PRIM2: variants seen among roughly 807,000 people sequenced by gnomAD.
PRIM2 encodes DNA primase subunit 2.
Under a neutral mutation model 67.3 loss-of-function variants are expected in PRIM2, and 39 were observed. That is an observed-to-expected ratio of 0.58 (90% CI 0.45 to 0.76). PRIM2 has a LOEUF of 0.76. Ranked by LOEUF, PRIM2 falls within the 30% of genes least tolerant of loss-of-function variation. PRIM2 has a pLI of 0.00. For missense variants in PRIM2, 398 were observed against 598.7 expected, an observed-to-expected ratio of 0.66 and a Z score of 3.50; for synonymous variants, 143 against 198.7, an observed-to-expected ratio of 0.72 and a Z score of 2.36.
rs749831232 is a variant in PRIM2 at position 57,379,949 on chromosome 6, T to A, written c.508T>A (p.Ser170Thr). ...TLREQEIVAS[S>T]PSLSGLKLGF... Reference sequence around the variant, plus strand: ...TCGAGAACAGGAGATTGTTGCCTCATCACCAAGTTTAAGTGGACTTAAGTT... The same window carrying A: ...TCGAGAACAGGAGATTGTTGCCTCAACACCAAGTTTAAGTGGACTTAAGTT... The change falls in exon 6 of 14, where the codon TCA becomes ACA. Residue 170 changes from serine (S) to threonine (T), a missense_variant. By Grantham distance (58) the Ser-to-Thr change is moderately conservative. This residue lies in a region of PRIM2 where 229 missense variants were observed against 383.6 expected (regional missense o/e 0.60). Transcript: ENST00000615550. 3 of 1,557,684 alleles carry A rather than the reference T, an allele frequency of 1.9e-6. No individual in the cohort carries two copies. The highest frequency in any genetic ancestry group is 1.7e-6 in the Non-Finnish European group (2 of 1,149,580).
intron 5 of PRIM2, among the ~76,000 whole-genome samples, chr6:57,374,927 A>T (rs2127327324): frequency 6.6e-6 from 1 of 152,366 alleles, no homozygotes; most frequent in Admixed American, 6.5e-5. Context: ...GTATCTTGAG[A>T]CTTTGCTGAA....
At chr6:57,602,841 G>T (rs1162553731) in intron 11 of PRIM2, among the ~76,000 whole-genome samples, 1 of 152,166 alleles carries the variant, frequency 6.6e-6, no homozygotes, top group Non-Finnish European at 1.5e-5. Context: ...TTTTTAAAAA[G>T]TAATAAACTT....
chr6:57,609,520 ATAATCT>A (rs1270527373), intron 12 of PRIM2, among the ~76,000 whole-genome samples: 3 of 152,252 alleles, frequency 2.0e-5, no homozygotes, highest in African/African-American at 4.8e-5. Flanking sequence ...CTTTAAAAAA[ATAATCT>A]TAATATACTA....
the PRIM2 span, among the ~76,000 whole-genome samples, chr6:57,263,661 G>A: frequency 6.6e-6 from 1 of 152,118 alleles, no homozygotes; most frequent in African/African-American, 2.4e-5. Context: ...ATACCTTCTT[G>A]GGGGGTGCAA....
intron 5 of PRIM2, among the ~76,000 whole-genome samples, chr6:57,338,624 T>C (rs978911817): frequency 2.0e-5 from 3 of 150,898 alleles, no homozygotes; most frequent in African/African-American, 4.9e-5. Context: ...TCTCAATAGA[T>C]GCAGAAAAGG....
At chr6:57,440,658 A>C (rs1291830193) in intron 7 of PRIM2, among the ~76,000 whole-genome samples, 1 of 152,204 alleles carries the variant, frequency 6.6e-6, no homozygotes, top group Non-Finnish European at 1.5e-5. Flanking sequence ...CCCAGTCTTC[A>C]TGAAATCTTT....
chr6:57,584,711 A>G (rs1293175840), intron 10 of PRIM2, among the ~76,000 whole-genome samples: 1 of 152,184 alleles, frequency 6.6e-6, no homozygotes, highest in Non-Finnish European at 1.5e-5. Context: ...GGGAACTCCC[A>G]GGAGTCTTCA....
chr6:57,486,099 G>A lies in PRIM2; in HGVS notation c.694-21288G>A, dbSNP rs1225551968. On this transcript the variant is annotated intron_variant, in intron 7 of 13. Transcript: ENST00000615550. ...TTGGAATTCCAAAGAGTAAAGGTGT[G>A]GAAGTGCTGGACCAGTGGAGGAGAT... is the stretch of plus-strand genomic sequence containing the variant. Among the ~76,000 whole-genome samples the A allele has an allele frequency of 1.1e-4, 16 of 152,300 alleles. 2 individuals carry two copies. The highest frequency in any genetic ancestry group is 8.5e-4 in the Admixed American group (13 of 15,294).
intron 11 of PRIM2, among the ~76,000 whole-genome samples, chr6:57,604,979 C>T (rs1430109724): frequency 3.9e-5 from 6 of 152,232 alleles, no homozygotes; most frequent in Middle Eastern, 3.4e-3. Context: ...CGTGAGCCAC[C>T]GCGCTTGGCC....
intron 7 of PRIM2, among the ~76,000 whole-genome samples, chr6:57,480,733 A>G (rs1189273001): frequency 6.6e-6 from 1 of 152,046 alleles, no homozygotes; most frequent in East Asian, 1.9e-4. Context: ...GGTTCAAGCA[A>G]TTCTCCTTTC....
upstream of PRIM2, among the ~76,000 whole-genome samples, chr6:57,310,567 T>C (rs1767361716): frequency 6.6e-6 from 1 of 152,264 alleles, no homozygotes; most frequent in Non-Finnish European, 1.5e-5. Context: ...TGCTGTCTCT[T>C]TGGAGCTGTT....
intron 7 of PRIM2, among the ~76,000 whole-genome samples, chr6:57,403,489 C>T (rs1480655057): frequency 6.6e-6 from 1 of 151,862 alleles, no homozygotes; most frequent in African/African-American, 2.4e-5. Context: ...GTCTCAATCT[C>T]CTGACCTCAT....
intron 5 of PRIM2, among the ~76,000 whole-genome samples, chr6:57,334,062 T>C (rs9475846): frequency 4.9e-4 from 74 of 152,270 alleles, no homozygotes; most frequent in African/African-American, 1.8e-3. Context: ...TAACCTCTTT[T>C]CCTCCCTAAC....
the PRIM2 span, among the ~76,000 whole-genome samples, chr6:57,308,669 C>G: frequency 1.3e-5 from 2 of 152,082 alleles, 1 homozygote; most frequent in South Asian, 4.1e-4. Context: ...CTAGTCAACA[C>G]GCAATATTTT....
chr6:57,226,082 G>A, the PRIM2 span, among the ~76,000 whole-genome samples: 1 of 152,158 alleles, frequency 6.6e-6, no homozygotes, highest in Non-Finnish European at 1.5e-5. Context: ...GCCAAGGACT[G>A]TGCTGAACAT....
At chr6:57,435,398 ACT>A (rs1181233173) in intron 7 of PRIM2, among the ~76,000 whole-genome samples, 1 of 151,688 alleles carries the variant, frequency 6.6e-6, no homozygotes, top group Non-Finnish European at 1.5e-5. Flanking sequence ...TCTCCCTGAG[ACT>A]CTTTTTTCAC....
intron 5 of PRIM2, among the ~76,000 whole-genome samples, chr6:57,341,444 C>T (rs1768487353): frequency 6.6e-6 from 1 of 152,142 alleles, no homozygotes; most frequent in Admixed American, 6.5e-5. Context: ...TGATAGTCTG[C>T]AATCACTTTC....
intron 13 of PRIM2, among the ~76,000 whole-genome samples, chr6:57,639,928 CA>C (rs1298047562): frequency 6.6e-6 from 1 of 151,484 alleles, no homozygotes; most frequent in Non-Finnish European, 1.5e-5. Context: ...AGAGACACAA[CA>C]AAAAAAGAAA....
rs530077254 is a variant in PRIM2, at chr6:57,344,794, A to G, written c.459+18749A>G. Reference sequence around the variant, plus strand: ...ACCATGGCAGATGGTCTTAGTGACAATATTTTAGAGTTCACAGAATTTGGG... The same window carrying G: ...ACCATGGCAGATGGTCTTAGTGACAGTATTTTAGAGTTCACAGAATTTGGG... On this transcript the variant is annotated intron_variant, in intron 5 of 13. Coordinates refer to ENST00000615550, the MANE Select transcript of PRIM2 (RefSeq NM_000947.5). Among the ~76,000 whole-genome samples, 231 of 152,256 alleles carry G rather than the reference A, an allele frequency of 1.5e-3. 2 individuals are homozygous for G. The highest frequency in any genetic ancestry group is 2.5e-3 in the Non-Finnish European group (167 of 68,008).
Sources: allele counts gnomAD v4.1 joint callset (sites outside exome capture counted in the v4.1 genomes callset), GRCh38; gene constraint gnomAD v4.1.1; regional missense constraint gnomAD v4.1.1; transcripts MANE v1.5; gene names NCBI Gene and HGNC (gene_info 2026-07-23, HGNC 2026-07-21).